DIRAS2: variants seen among roughly 807,000 people sequenced by gnomAD.
DIRAS2 encodes GTP-binding protein Di-Ras2.
In DIRAS2, 5 loss-of-function variants were observed where a neutral mutation model predicts 13.9. That is an observed-to-expected ratio of 0.36 (90% CI 0.19 to 0.76). DIRAS2 has a LOEUF of 0.76. Among genes scored for constraint, DIRAS2 ranks in the 30% least tolerant of loss-of-function variants. The probability of loss-of-function intolerance (pLI) is 0.53; values close to 1 mark genes in which losing one functional copy is unlikely to be tolerated. For missense variants in DIRAS2, 191 were observed against 263.0 expected, an observed-to-expected ratio of 0.73 and a Z score of 1.89; for synonymous variants, 111 against 105.4, an observed-to-expected ratio of 1.05 and a Z score of -0.33.
In DIRAS2 at chr9:90,636,069, G is replaced by T. The variant is rs536340697; in HGVS notation, c.-37+6683C>A. Among the ~76,000 whole-genome samples, 153 of 110,886 alleles carry T rather than the reference G, an allele frequency of 1.4e-3. 1 individual carries two copies. Among genetic ancestry groups the T allele is most frequent in the Non-Finnish European group, 2.0e-3 (119 of 60,550 alleles). 72.7% of individuals were successfully genotyped at this position (110,886 alleles called of 152,430 possible). On this transcript the variant is annotated intron_variant, in intron 1 of 1. Transcript: ENST00000375765. The stretch of plus-strand genomic sequence containing the variant: ...TTTTTTTTTTTTGAGACAGAGTCTC[G>T]CTCCGTCACTCAGGCTGGAGTGCAG...
chr9:90,618,913 G>A (rs1259038332), intron 1 of DIRAS2, among the ~76,000 whole-genome samples: 2 of 152,160 alleles, frequency 1.3e-5, no homozygotes, highest in Non-Finnish European at 2.9e-5. Flanking sequence ...GGAGGCCGAG[G>A]CAGGCAGATC....
intron 1 of DIRAS2, among the ~76,000 whole-genome samples, chr9:90,635,568 C>A (rs1825362563): frequency 6.6e-6 from 1 of 152,226 alleles, no homozygotes; most frequent in South Asian, 2.1e-4. Flanking sequence ...AACAACTACA[C>A]CACGAGGTCA....
intron 1 of DIRAS2, among the ~76,000 whole-genome samples, chr9:90,617,069 C>T (rs2118543893): frequency 6.6e-6 from 1 of 152,288 alleles, no homozygotes; most frequent in Non-Finnish European, 1.5e-5. Flanking sequence ...GAAAGAACTT[C>T]ATAGGAAGGA....
intron 1 of DIRAS2, among the ~76,000 whole-genome samples, chr9:90,630,674 C>T (rs375574567): frequency 6.6e-6 from 1 of 152,280 alleles, no homozygotes; most frequent in East Asian, 1.9e-4. Flanking sequence ...TATCAAGGTG[C>T]GTATTTTTCT....
At chr9:90,627,936 G>A (rs1338477218) in intron 1 of DIRAS2, among the ~76,000 whole-genome samples, 1 of 152,030 alleles carries the variant, frequency 6.6e-6, no homozygotes, top group Non-Finnish European at 1.5e-5. Context: ...CTGGATGGCA[G>A]GTTGATAGGT....
Position 90,613,042 on chromosome 9 carries a change from G to T in DIRAS2, c.*186C>A. ...ACTTGAACCGCCTGGCAGATTCTGT[G>T]ACTCCAGAGTGGGTGGCTTACTGTT... On this transcript the variant is annotated 3_prime_UTR_variant, in exon 2 of 2. Transcript: ENST00000375765. The surrounding 1 kb of genome is among the most constrained non-coding windows in gnomAD (Gnocchi z 5.6). 1.3e-6 allele frequency: 1 copy of T among 764,466 alleles called. No homozygotes were observed. Among genetic ancestry groups the T allele is most frequent in the Non-Finnish European group, 2.0e-6 (1 of 492,346 alleles). The allele number at this position is 764,466 out of a possible 1,614,324, so 47.4% of individuals were successfully genotyped here.
At chr9:90,619,791 A>T (rs1365050353) in intron 1 of DIRAS2, among the ~76,000 whole-genome samples, 10 of 152,252 alleles carry the variant, frequency 6.6e-5, no homozygotes, top group Non-Finnish European at 1.5e-5. Flanking sequence ...AAGTGGAAAC[A>T]GCACAAATGT....
At chr9:90,638,636 A>G (rs1308874698) in intron 1 of DIRAS2, among the ~76,000 whole-genome samples, 2 of 148,684 alleles carry the variant, frequency 1.3e-5, no homozygotes, top group East Asian at 2.0e-4. Context: ...TCCATTGATC[A>G]TGTGTGTGTG....
chr9:90,624,587 C>G (rs974600238), intron 1 of DIRAS2, among the ~76,000 whole-genome samples: 1 of 152,116 alleles, frequency 6.6e-6, no homozygotes, highest in Admixed American at 6.5e-5. Context: ...ATTTCATATC[C>G]AAGAGGCCAA....
intron 1 of DIRAS2, among the ~76,000 whole-genome samples, chr9:90,620,820 G>A (rs528588883): frequency 7.7e-4 from 117 of 152,182 alleles, no homozygotes; most frequent in African/African-American, 2.7e-3. Context: ...TGAACCTGAC[G>A]GTGGCCTGCT....
chr9:90,614,321 TGTGTG>T (rs1313798989), intron 1 of DIRAS2, among the ~76,000 whole-genome samples: 1 of 150,172 alleles, frequency 6.7e-6, no homozygotes, highest in East Asian at 1.9e-4. Flanking sequence ...TGTGTGTGTG[TGTGTG>T]TGTGTGTGTG....
chr9:90,641,681 T>G (rs1304824686), intron 1 of DIRAS2, among the ~76,000 whole-genome samples: 1 of 152,010 alleles, frequency 6.6e-6, no homozygotes, highest in Non-Finnish European at 1.5e-5. Flanking sequence ...CCTCCTCAAA[T>G]CCAAATGTCA....
intron 1 of DIRAS2, among the ~76,000 whole-genome samples, chr9:90,640,401 C>T (rs1825408459): frequency 6.6e-6 from 1 of 152,150 alleles, no homozygotes; most frequent in African/African-American, 2.4e-5. Flanking sequence ...CAAGCCATGT[C>T]ATATAATGAA....
intron 1 of DIRAS2, among the ~76,000 whole-genome samples, chr9:90,628,572 G>T (rs941070193): frequency 1.3e-5 from 2 of 151,484 alleles, no homozygotes; most frequent in Non-Finnish European, 2.9e-5. Context: ...TTGAGACAAG[G>T]TCTCACTCTG....
intron 1 of DIRAS2, among the ~76,000 whole-genome samples, chr9:90,634,718 T>C (rs541762153): frequency 6.6e-6 from 1 of 152,166 alleles, no homozygotes; most frequent in South Asian, 2.1e-4. Context: ...AACAGAAAGA[T>C]GTATAGGAGA....
At chr9:90,634,012 C>CT (rs1350682709) in intron 1 of DIRAS2, among the ~76,000 whole-genome samples, 1 of 152,096 alleles carries the variant, frequency 6.6e-6, no homozygotes, top group Non-Finnish European at 1.5e-5. Context: ...GACATGTATA[C>CT]TTTTTAAAGA....
chr9:90,633,136 G>A (rs575537379), intron 1 of DIRAS2, among the ~76,000 whole-genome samples: 50 of 152,292 alleles, frequency 3.3e-4, no homozygotes, highest in African/African-American at 1.1e-3. Flanking sequence ...CATCACAGGC[G>A]GCTTGTAGAG....
intron 1 of DIRAS2, among the ~76,000 whole-genome samples, chr9:90,614,216 C>T (rs1365878411): frequency 2.6e-5 from 4 of 152,098 alleles, no homozygotes; most frequent in Admixed American, 1.3e-4. Flanking sequence ...CACAAACACA[C>T]ATATGCACAC....
intron 1 of DIRAS2, among the ~76,000 whole-genome samples, chr9:90,628,947 C>A (rs1029780843): frequency 2.6e-4 from 40 of 152,292 alleles, no homozygotes; most frequent in Admixed American, 1.1e-3. Flanking sequence ...CTCCGCCTCC[C>A]GGGTTCACGC....
Sources: allele counts gnomAD v4.1 joint callset (sites outside exome capture counted in the v4.1 genomes callset), GRCh38; gene constraint gnomAD v4.1.1; non-coding constraint Gnocchi (gnomAD v3.1); transcripts MANE v1.5; gene names NCBI Gene and HGNC (gene_info 2026-07-23, HGNC 2026-07-21).